Variants in MBNL2 observed in about 807,000 individuals in gnomAD.
The protein encoded by MBNL2 is muscleblind like splicing regulator 2.
In MBNL2, 17 loss-of-function variants were observed where a neutral mutation model predicts 41.9. That is an observed-to-expected ratio of 0.41 (90% CI 0.28 to 0.61). The LOEUF (loss-of-function observed/expected upper bound fraction) is 0.61. MBNL2 is among the 20% of genes least tolerant of loss of function. The pLI, the probability that MBNL2 is intolerant of heterozygous loss-of-function variation, is 0.35. For synonymous variants in MBNL2, 195 were observed against 182.9 expected (o/e 1.07, Z -0.53); for missense variants, 336 against 505.6 (o/e 0.66, Z 3.22).
the MBNL2 span, among the ~76,000 whole-genome samples, chr13:97,216,335 A>G: frequency 6.6e-6 from 1 of 152,212 alleles, no homozygotes; most frequent in South Asian, 2.1e-4. Context: ...GATGACGAAA[A>G]GTACTTTAAT....
rs1303260800 is a variant in MBNL2, at chr13:97,370,234, C to G, written c.1048+5063C>G. On this transcript the variant is annotated intron_variant, in intron 8 of 8. Coordinates refer to ENST00000679496, the MANE Select transcript of MBNL2 (RefSeq NM_001382683.1). ...CTAAATGGTCTTGCTGGAGTTGAAACTTGGCTCCAGAAGACTTGCTTTAAC... is the reference window on the plus strand; with the variant it reads ...CTAAATGGTCTTGCTGGAGTTGAAAGTTGGCTCCAGAAGACTTGCTTTAAC... Among the ~76,000 whole-genome samples, 4 of 152,178 alleles carry G rather than the reference C, an allele frequency of 2.6e-5. No individual in the cohort carries two copies. In the East Asian group the frequency reaches 5.8e-4, roughly 22 times the overall value.
At chr13:97,202,238 G>A in the MBNL2 span, among the ~76,000 whole-genome samples, 635 of 152,286 alleles carry the variant, frequency 4.2e-3, 21 homozygotes, top group Admixed American at 0.039. Flanking sequence ...GAAATTGGGT[G>A]ATGCATACAT....
chr13:97,335,461 G>A (rs984334634), intron 3 of MBNL2, among the ~76,000 whole-genome samples: 1 of 152,142 alleles, frequency 6.6e-6, no homozygotes, highest in African/African-American at 2.4e-5. Context: ...TGTGTTCCCT[G>A]TGAGATGGGG....
intron 1 of MBNL2, among the ~76,000 whole-genome samples, chr13:97,239,074 A>G (rs1253796795): frequency 6.6e-6 from 1 of 152,238 alleles, no homozygotes; most frequent in Non-Finnish European, 1.5e-5. Context: ...ATCCAGCCTC[A>G]CTGCTAATCA....
chr13:97,372,755 A>ATAACT (rs1265787771), intron 8 of MBNL2, among the ~76,000 whole-genome samples: 1 of 152,220 alleles, frequency 6.6e-6, no homozygotes, highest in African/African-American at 2.4e-5. Context: ...AAACATGAAC[A>ATAACT]TAACTTTAAA....
intron 5 of MBNL2, among the ~76,000 whole-genome samples, chr13:97,347,855 A>C (rs959131933): frequency 1.3e-5 from 2 of 152,172 alleles, no homozygotes; most frequent in African/African-American, 4.8e-5. Flanking sequence ...CAGAATCCTC[A>C]GCCTCACCCC....
the MBNL2 span, among the ~76,000 whole-genome samples, chr13:97,183,808 C>T: frequency 6.6e-6 from 1 of 152,320 alleles, no homozygotes; most frequent in East Asian, 1.9e-4. Context: ...TGTTCCACTT[C>T]CTCTGGCATT....
rs139458938 is a variant in MBNL2 at position 97,260,580 on chromosome 13, T to A, written c.-604-15052T>A. On this transcript the variant is annotated intron_variant, in intron 1 of 8. Transcript: ENST00000679496. ...CAGCTGGTGAGAAGTGGTCAGACTCTGGCGCCGTTAGGAATGTGGATCCAG... is the reference window on the plus strand; with the variant it reads ...CAGCTGGTGAGAAGTGGTCAGACTCAGGCGCCGTTAGGAATGTGGATCCAG... Among the ~76,000 whole-genome samples, 3 of 152,330 alleles carry A rather than the reference T, an allele frequency of 2.0e-5. No individual in the cohort carries two copies. The East Asian group carries it at 5.8e-4, about 29-fold the overall frequency.
Position 97,366,572 on chromosome 13 carries a change from T to C in MBNL2, c.1048+1401T>C, listed in dbSNP as rs1243478584. 9 of 1,520,312 alleles carry C rather than the reference T, an allele frequency of 5.9e-6. No homozygotes were observed. Among genetic ancestry groups the C allele is most frequent in the Non-Finnish European group, 8.2e-6 (9 of 1,098,422 alleles). The allele number at this position is 1,520,312 out of a possible 1,614,324, so 94.2% of individuals were successfully genotyped here. On this transcript the variant is annotated intron_variant, in intron 8 of 8. Transcript: ENST00000679496. This position sits in a 1 kb window ranked among gnomAD's most constrained non-coding sequence, Gnocchi z 4.7. ...CAATCAGGTTTGCTCCTTTTAAAGC[T>C]TTCTTTCACAAATCCCAAACTCTAA...
In MBNL2 at chr13:97,227,040, CAA is replaced by C. The variant is rs5806006; in HGVS notation, c.-605+4520_-605+4521del. Among the ~76,000 whole-genome samples the C allele has an allele frequency of 5.4e-3, 669 of 122,830 alleles. 6 individuals are homozygous for C. Among genetic ancestry groups the C allele is most frequent in the South Asian group, 0.02 (73 of 3,580 alleles). The allele number at this position is 122,830 out of a possible 152,430, so 80.6% of individuals were successfully genotyped here. A position where few individuals can be genotyped will look rare whatever the true frequency, so the allele number is the denominator to read the frequency against. ...CCCTTTTTCCTTAAAAGCAGAGTTA[CAA>C]AAAAAAAAAACAAAAAAAAAATCAA... On this transcript the variant is annotated intron_variant, in intron 1 of 8. Transcript: ENST00000679496.
chr13:97,249,664 G>A (rs1006678714), intron 1 of MBNL2, among the ~76,000 whole-genome samples: 5 of 152,230 alleles, frequency 3.3e-5, no homozygotes, highest in African/African-American at 1.2e-4. Flanking sequence ...TTAATCCCAT[G>A]CCTAATTTTT....
intron 8 of MBNL2, among the ~76,000 whole-genome samples, chr13:97,371,837 C>CT (rs1163531248): frequency 5.3e-5 from 8 of 152,166 alleles, no homozygotes; most frequent in Non-Finnish European, 8.8e-5. Flanking sequence ...AAATAAATGT[C>CT]ACATGGTAGA....
At chr13:97,163,757 C>CTTAT in the MBNL2 span, among the ~76,000 whole-genome samples, 1 of 152,126 alleles carries the variant, frequency 6.6e-6, no homozygotes, top group Non-Finnish European at 1.5e-5. Flanking sequence ...CCCCTATCCT[C>CTTAT]AGGGAAGGGG....
intron 3 of MBNL2, among the ~76,000 whole-genome samples, chr13:97,342,358 C>T (rs1594237817): frequency 6.6e-6 from 1 of 152,236 alleles, no homozygotes; most frequent in South Asian, 2.1e-4. Flanking sequence ...AATGGCCAAT[C>T]ACAATATTGT....
intron 4 of MBNL2, among the ~76,000 whole-genome samples, chr13:97,345,876 CA>C (rs201721069): frequency 4.7e-5 from 7 of 147,570 alleles, no homozygotes; most frequent in Non-Finnish European, 9.0e-5. Context: ...TCCACACACA[CA>C]AAAAAAAACC....
chr13:97,366,327 T>C lies in MBNL2; in HGVS notation c.1048+1156T>C. ...TCCCATGCTTCCTTGCTTTGCATTG[T>C]GATTGCATGCCATCTGCTGGTTTAA... On this transcript the variant is annotated intron_variant, in intron 8 of 8. Coordinates refer to ENST00000679496, the MANE Select transcript of MBNL2 (RefSeq NM_001382683.1). The surrounding 1 kb of genome is among the most constrained non-coding windows in gnomAD (Gnocchi z 4.7). 1.4e-5 allele frequency: 8 copies of C among 591,970 alleles called. No homozygotes were observed. Among genetic ancestry groups the C allele is most frequent in the Non-Finnish European group, 3.1e-6 (1 of 325,528 alleles). The allele number at this position is 591,970 out of a possible 1,614,324, so 36.7% of individuals were successfully genotyped here.
the MBNL2 span, among the ~76,000 whole-genome samples, chr13:97,150,341 C>A: frequency 6.6e-6 from 1 of 152,140 alleles, no homozygotes; most frequent in East Asian, 1.9e-4. Flanking sequence ...GAAGCAGGAG[C>A]AAGATTATCT....
intron 5 of MBNL2, among the ~76,000 whole-genome samples, chr13:97,348,322 A>G (rs147288010): frequency 6.6e-6 from 1 of 151,814 alleles, no homozygotes; most frequent in African/African-American, 2.4e-5. Flanking sequence ...TTACCTCCCA[A>G]TGTGTTGGGA....
intron 2 of MBNL2, among the ~76,000 whole-genome samples, chr13:97,314,558 A>G (rs2058874556): frequency 6.6e-6 from 1 of 152,204 alleles, no homozygotes; most frequent in Admixed American, 6.5e-5. Context: ...TACATTAAAT[A>G]TGCACCGAAT....
Sources: gnomAD v4.1 joint callset for allele counts (sites outside exome capture counted in the v4.1 genomes callset) on GRCh38, gnomAD v4.1.1 for gene constraint, Gnocchi (gnomAD v3.1) non-coding constraint, MANE v1.5 for transcripts, NCBI Gene and HGNC (gene_info 2026-07-23, HGNC 2026-07-21) for gene names.